The following PRIM2 variants were observed in gnomAD, a reference collection of about 807,000 sequenced individuals.
PRIM2 encodes the protein DNA primase subunit 2.
PRIM2 carries 39 observed loss-of-function variants against 67.3 expected under a neutral mutation model. That is an observed-to-expected ratio of 0.58 (90% CI 0.45 to 0.76). PRIM2 has a LOEUF of 0.76. PRIM2 is among the 30% of genes least tolerant of loss of function. The probability of loss-of-function intolerance (pLI) is 0.00; values close to 1 mark genes in which losing one functional copy is unlikely to be tolerated. For synonymous variants in PRIM2, 143 were observed against 198.7 expected (o/e 0.72, Z 2.36); for missense variants, 398 against 598.7 (o/e 0.66, Z 3.50).
intron 12 of PRIM2, among the ~76,000 whole-genome samples, chr6:57,622,361 A>C (rs2127497236): frequency 6.6e-6 from 1 of 152,322 alleles, no homozygotes; most frequent in East Asian, 1.9e-4. Context: ...GCACTGCTTT[A>C]AGTATCGAGC....
At chr6:57,460,075 T>G (rs62399157) in intron 7 of PRIM2, among the ~76,000 whole-genome samples, 1 of 152,084 alleles carries the variant, frequency 6.6e-6, no homozygotes, top group African/African-American at 2.4e-5. Flanking sequence ...TTCAGTACAT[T>G]TGATGTTGTA....
chr6:57,624,688 A>G (rs1291826056), intron 12 of PRIM2, among the ~76,000 whole-genome samples: 1 of 152,196 alleles, frequency 6.6e-6, no homozygotes, highest in African/African-American at 2.4e-5. Context: ...TTGAGTGAGG[A>G]TTGTATTCCA....
intron 7 of PRIM2, among the ~76,000 whole-genome samples, chr6:57,498,270 C>T (rs1774050337): frequency 6.6e-6 from 1 of 151,890 alleles, no homozygotes; most frequent in Non-Finnish European, 1.5e-5. Context: ...ATTTACTAGA[C>T]AAGTGTTGGC....
rs1323100940 is a variant in PRIM2 at position 57,625,881 on chromosome 6, C to T, written c.1231-6252C>T. On this transcript the variant is annotated intron_variant, in intron 12 of 13. Transcript: ENST00000615550. The stretch of plus-strand genomic sequence containing the variant: ...CAAGGCAGCAGCAGGCTAAGCTGTG[C>T]TGAGTGTATGAGAAATGGGAGCAAA... 8.1e-3 allele frequency among the ~76,000 whole-genome samples: 1,235 copies of T among 152,294 alleles called. 7 individuals are homozygous for T. The highest frequency in any genetic ancestry group is 0.012 in the Non-Finnish European group (807 of 68,036).
intron 5 of PRIM2, among the ~76,000 whole-genome samples, chr6:57,357,172 T>TC (rs1197406722): frequency 6.6e-6 from 1 of 151,978 alleles, no homozygotes; most frequent in African/African-American, 2.4e-5. Flanking sequence ...GACTTTGTGA[T>TC]CCCCCCACAT....
intron 5 of PRIM2, among the ~76,000 whole-genome samples, chr6:57,344,716 A>C (rs1434029172): frequency 6.6e-6 from 1 of 152,194 alleles, no homozygotes; most frequent in Non-Finnish European, 1.5e-5. Context: ...AAGTTTATTA[A>C]GTTTTCTAGT....
At chr6:57,406,062 G>A (rs1180581712) in intron 7 of PRIM2, among the ~76,000 whole-genome samples, 1 of 152,196 alleles carries the variant, frequency 6.6e-6, no homozygotes, top group Non-Finnish European at 1.5e-5. Context: ...TGATGGACTT[G>A]TCTGGGGATT....
At chr6:57,413,480 C>T (rs1264329056) in intron 7 of PRIM2, among the ~76,000 whole-genome samples, 2 of 151,724 alleles carry the variant, frequency 1.3e-5, no homozygotes, top group African/African-American at 2.4e-5. Context: ...AATACAAAAA[C>T]TGCAATTATG....
chr6:57,291,258 G>C, the PRIM2 span, among the ~76,000 whole-genome samples: 3 of 152,108 alleles, frequency 2.0e-5, no homozygotes, highest in African/African-American at 7.2e-5. Flanking sequence ...AGAAGAAATG[G>C]ATGAATTCCT....
chr6:57,601,092 G>A lies in PRIM2; in HGVS notation c.1021-1G>A, dbSNP rs1582013700. Reference sequence around the variant, plus strand: ...CTCTTTTTCCATTTCCTCCCAATCAGTTTGATAAAGGTTACTCTTACAACA... The same window carrying A: ...CTCTTTTTCCATTTCCTCCCAATCAATTTGATAAAGGTTACTCTTACAACA... On this transcript the variant is annotated splice_acceptor_variant, in intron 10 of 13. Transcript: ENST00000615550. LOFTEE classifies it high-confidence loss of function. 6.2e-7 allele frequency: 1 copy of A among 1,605,896 alleles called. No homozygotes were observed. Among genetic ancestry groups the A allele is most frequent in the Non-Finnish European group, 8.5e-7 (1 of 1,175,934 alleles).
the PRIM2 span, among the ~76,000 whole-genome samples, chr6:57,230,874 A>C: frequency 1.3e-5 from 2 of 152,174 alleles, no homozygotes; most frequent in African/African-American, 4.8e-5. Flanking sequence ...GTTGGTGTTC[A>C]TGTCTCCACC....
intron 5 of PRIM2, among the ~76,000 whole-genome samples, chr6:57,330,949 G>A (rs1395433580): frequency 2.0e-5 from 3 of 152,144 alleles, no homozygotes; most frequent in African/African-American, 7.2e-5. Flanking sequence ...TTGGGAGGCC[G>A]AGGTGGGCGG....
At chr6:57,308,476 T>C in the PRIM2 span, among the ~76,000 whole-genome samples, 1 of 152,198 alleles carries the variant, frequency 6.6e-6, no homozygotes, top group Non-Finnish European at 1.5e-5. Flanking sequence ...TATTTTGATA[T>C]TGCCACGAAT....
At chr6:57,477,381 G>A (rs1773500734) in intron 7 of PRIM2, among the ~76,000 whole-genome samples, 1 of 152,138 alleles carries the variant, frequency 6.6e-6, no homozygotes, top group African/African-American at 2.4e-5. Flanking sequence ...ACAGTTTGGG[G>A]CGTATGTATT....
intron 10 of PRIM2, among the ~76,000 whole-genome samples, chr6:57,590,359 C>G (rs1776263534): frequency 6.6e-6 from 1 of 152,158 alleles, no homozygotes; most frequent in Non-Finnish European, 1.5e-5. Flanking sequence ...ATGGTAAAAA[C>G]AGATTTTATT....
chr6:57,264,012 A>AT, the PRIM2 span, among the ~76,000 whole-genome samples: 3 of 152,102 alleles, frequency 2.0e-5, no homozygotes, highest in Non-Finnish European at 4.4e-5. Context: ...TGGTTGATTT[A>AT]TTTTTTGAAA....
chr6:57,324,762 T>A (rs1741915), intron 4 of PRIM2, among the ~76,000 whole-genome samples: 26,145 of 152,124 alleles, frequency 0.17, 2,415 homozygotes, highest in Non-Finnish European at 0.19. Context: ...AGTTGCTTTT[T>A]TAAAAATTGT....
At chr6:57,335,029 C>T (rs578235449) in intron 5 of PRIM2, among the ~76,000 whole-genome samples, 2,000 of 152,204 alleles carry the variant, frequency 0.013, 20 homozygotes, top group African/African-American at 0.046. Context: ...CGAAGCAGGG[C>T]GAGGCATTGC....
At chr6:57,320,348 C>T in intron 2 of PRIM2, 109 bp from the exon 3 acceptor site, 1 of 663,254 alleles carries the variant, frequency 1.5e-6, no homozygotes, top group South Asian at 2.1e-5. Context: ...CTGGCAATTA[C>T]CTGTCATGTT....
Sources: allele counts gnomAD v4.1 joint callset (sites outside exome capture counted in the v4.1 genomes callset), GRCh38; gene constraint gnomAD v4.1.1; transcripts MANE v1.5; gene names NCBI Gene and HGNC (gene_info 2026-07-23, HGNC 2026-07-21).